Variants in GCC2 observed in about 807,000 individuals in gnomAD.
The protein encoded by GCC2 is GRIP and coiled-coil domain containing 2, also known as GRIP and coiled-coil domain-containing protein 2.
A neutral mutation model predicts 210.6 loss-of-function variants in GCC2; 120 were observed. That is an observed-to-expected ratio of 0.57 (90% CI 0.49 to 0.66). The LOEUF (loss-of-function observed/expected upper bound fraction) is 0.66. Ranked by LOEUF, GCC2 falls within the 30% of genes least tolerant of loss-of-function variation. The pLI, the probability that GCC2 is intolerant of heterozygous loss-of-function variation, is 0.00. For missense variants in GCC2, 1,868 were observed against 1,871.9 expected, an observed-to-expected ratio of 1.00 and a Z score of 0.04; for synonymous variants, 703 against 652.7, an observed-to-expected ratio of 1.08 and a Z score of -1.17.
intron 22 of GCC2, among the ~76,000 whole-genome samples, chr2:108,505,345 C>T (rs1360957152): frequency 2.0e-5 from 3 of 152,206 alleles, no homozygotes; most frequent in Non-Finnish European, 2.9e-5. Context: ...ATCGCTTCCT[C>T]CTACTTTCTA....
chr2:108,489,861 AC>A lies in GCC2; in HGVS notation c.4078del (p.Gln1360SerfsTer2). Reference protein sequence around the residue: ...QEREHLEMLIDQLKIKLQDSQ... With the variant: ...QEREHLEMLIXQLKIKLQDSQ... ...AGGGAACATCTGGAAATGCTGATTGACCAGCTAAAAATCAAATTACAAGATA... is the reference window on the plus strand; with the variant it reads ...AGGGAACATCTGGAAATGCTGATTGACAGCTAAAAATCAAATTACAAGATA... On this transcript the variant is annotated frameshift_variant, in exon 18 of 23. Coordinates refer to ENST00000309863, the MANE Select transcript of GCC2 (RefSeq NM_181453.4). LOFTEE classifies it high-confidence loss of function. The A allele has an allele frequency of 1.2e-6, 2 of 1,603,996 alleles. No homozygotes were observed. Among genetic ancestry groups the A allele is most frequent in the Non-Finnish European group, 1.7e-6 (2 of 1,176,622 alleles).
chr2:108,450,718 C>T (rs906492047), intron 2 of GCC2, among the ~76,000 whole-genome samples: 6 of 152,160 alleles, frequency 3.9e-5, no homozygotes, highest in African/African-American at 9.7e-5. Flanking sequence ...CCCGTCTCTA[C>T]TAAAAATACA....
Position 108,471,335 on chromosome 2 carries a change from T to G in GCC2, c.2006T>G (p.Leu669Arg), listed in dbSNP as rs1681205950. ...KDQNDQKLEK[L>R]MVQMKVLSED... ...CAAAATGACCAAAAACTAGAAAAAC[T>G]TATGGTTCAAATGAAAGTTCTCTCT... The change falls in exon 6 of 23, where the codon CTT (leucine) becomes CGT (arginine). Residue 669 changes from leucine to arginine, a missense_variant. By Grantham distance (102) the Leu-to-Arg change is moderately radical. Coordinates refer to ENST00000309863, the MANE Select transcript of GCC2 (RefSeq NM_181453.4). The G allele has an allele frequency of 5.6e-6, 9 of 1,611,978 alleles. No homozygotes were observed. In the East Asian group the frequency reaches 2.0e-4, roughly 36 times the overall value.
chr2:108,507,441 A>G, intron 22 of GCC2, 119 bp from the exon 23 acceptor site: 1 of 600,274 alleles, frequency 1.7e-6, no homozygotes, highest in South Asian at 2.0e-5. Flanking sequence ...TAATCAGTAA[A>G]AAACACATTA....
chr2:108,450,805 T>C (rs2683799), intron 2 of GCC2, among the ~76,000 whole-genome samples: 118,672 of 152,086 alleles, frequency 0.78, 47,341 homozygotes, highest in East Asian at 1. Context: ...TTGCTTGAAC[T>C]TGGGAGGCAG....
rs180856920 is a variant in GCC2, at chr2:108,493,306, T to C, written c.4447+516T>C. The C allele has an allele frequency of 8.8e-4, 533 of 605,794 alleles. 5 individuals carry two copies. The African/African-American group carries it at 9.9e-3, about 11-fold the overall frequency. 37.5% of individuals were successfully genotyped at this position (605,794 alleles called of 1,614,324 possible). A position where few individuals can be genotyped will look rare whatever the true frequency, so the allele number is the denominator to read the frequency against. Reference sequence around the variant, plus strand: ...AGTTTCACCGTGTTAGCCAGGATAGTCTCGATCTCCTGACCTCGTGATCCA... The same window carrying C: ...AGTTTCACCGTGTTAGCCAGGATAGCCTCGATCTCCTGACCTCGTGATCCA... On this transcript the variant is annotated intron_variant, in intron 19 of 22. Transcript: ENST00000309863.
In GCC2 at chr2:108,495,305, C is replaced by T; in HGVS notation, c.4462C>T (p.Gln1488Ter). 1 of 1,577,220 alleles carries T rather than the reference C, an allele frequency of 6.3e-7. No individual in the cohort carries two copies. The highest frequency in any genetic ancestry group is 1.3e-5 in the African/African-American group (1 of 74,090). ...AAATCTAATAGGCCCAGTTTCCTCTCAACAATCTTTGAAGAACCTTCGAGA... is the reference window on the plus strand; with the variant it reads ...AAATCTAATAGGCCCAGTTTCCTCTTAACAATCTTTGAAGAACCTTCGAGA... ...EPTTRSPVSS[Q>*]QSLKNLRERR... Residue 1488 changes from glutamine (Q) to a stop codon, truncating the protein, a stop_gained, in exon 20 of 23, where the codon CAA becomes TAA. Coordinates refer to ENST00000309863, the MANE Select transcript of GCC2 (RefSeq NM_181453.4). LOFTEE classifies it high-confidence loss of function.
rs145247044 is a variant in GCC2 at position 108,470,728 on chromosome 2, G to C, written c.1399G>C (p.Glu467Gln). ...AATACAGGGTCTTAAGGAACAGTGT[G>C]AAAACCTACAGCAAGAAAAGCAAGA... ...FEIQGLKEQC[E>Q]NLQQEKQEAI... The change falls in exon 6 of 23, where the codon GAA (glutamate) becomes CAA (glutamine). Residue 467 changes from glutamate to glutamine, a missense_variant. This residue lies in a region of GCC2 where 1,847 missense variants were observed against 1,765.2 expected (regional missense o/e 1.05). Transcript: ENST00000309863. The C allele has an allele frequency of 5.6e-5, 91 of 1,612,868 alleles. No individual in the cohort carries two copies. The highest frequency in any genetic ancestry group is 7.2e-5 in the Non-Finnish European group (85 of 1,179,676).
intron 18 of GCC2, among the ~76,000 whole-genome samples, chr2:108,491,125 A>G (rs1682383946): frequency 6.6e-6 from 1 of 152,220 alleles, no homozygotes; most frequent in African/African-American, 2.4e-5. Context: ...ATGGTTCCAG[A>G]GGAATGTGAT....
intron 4 of GCC2, among the ~76,000 whole-genome samples, chr2:108,458,213 T>C (rs187901057): frequency 6.6e-6 from 1 of 151,358 alleles, no homozygotes; most frequent in East Asian, 1.9e-4. Flanking sequence ...TGATGTGATA[T>C]GTCACATTGA....
intron 22 of GCC2, among the ~76,000 whole-genome samples, chr2:108,503,068 T>C (rs924802917): frequency 6.6e-6 from 1 of 151,638 alleles, no homozygotes; most frequent in Non-Finnish European, 1.5e-5. Context: ...GAGAAAAGAA[T>C]ACAGCACAGA....
At chr2:108,482,228 C>A in intron 10 of GCC2, 59 bp from the exon 11 acceptor site, 1 of 976,704 alleles carries the variant, frequency 1.0e-6, no homozygotes, top group Non-Finnish European at 1.6e-6. Flanking sequence ...CCTGTTCATT[C>A]TTCCTCTGCT....
rs1024464817 is a variant in GCC2, at chr2:108,471,245, G to T, written c.1916G>T (p.Ser639Ile). 12 of 1,609,026 alleles carry T rather than the reference G, an allele frequency of 7.5e-6. No individual in the cohort carries two copies. Among genetic ancestry groups the T allele is most frequent in the Non-Finnish European group, 9.3e-6 (11 of 1,178,558 alleles). The change falls in exon 6 of 23, where the codon AGT (serine) becomes ATT (isoleucine). Residue 639 changes from serine to isoleucine, a missense_variant. By Grantham distance (142) the Ser-to-Ile change is moderately radical (BLOSUM62 -2). Around this residue, in one of 3 missense-constraint regions of GCC2, gnomAD observed 1,847 missense variants for 1,765.2 expected, o/e 1.05. Coordinates refer to ENST00000309863, the MANE Select transcript of GCC2 (RefSeq NM_181453.4). ...KKVEQTIQYNSELEQKVNELT... is the reference protein window; with the variant it reads ...KKVEQTIQYNIELEQKVNELT... ...GTAGAGCAAACAATCCAGTACAACAGTGAACTAGAACAAAAGGTAAATGAA... is the reference window on the plus strand; with the variant it reads ...GTAGAGCAAACAATCCAGTACAACATTGAACTAGAACAAAAGGTAAATGAA...
At chr2:108,461,787 A>C (rs1266950656) in intron 4 of GCC2, among the ~76,000 whole-genome samples, 2 of 147,126 alleles carry the variant, frequency 1.4e-5, no homozygotes, top group Non-Finnish European at 3.0e-5. Context: ...TGCAAGCATG[A>C]GCCACTGTGC....
In GCC2 at chr2:108,492,944, A is replaced by G. The variant is rs1037909027; in HGVS notation, c.4447+154A>G. 2.0e-5 allele frequency among the ~76,000 whole-genome samples: 3 copies of G among 152,362 alleles called. No individual in the cohort carries two copies. The South Asian group carries it at 6.2e-4, about 32-fold the overall frequency. Reference sequence around the variant, plus strand: ...AATTTTGGATTTGCTTACTAGAAAGATAATTGAACCATCTGAATCCTTCCC... The same window carrying G: ...AATTTTGGATTTGCTTACTAGAAAGGTAATTGAACCATCTGAATCCTTCCC... On this transcript the variant is annotated intron_variant, in intron 19 of 22. Transcript: ENST00000309863.
In GCC2 at chr2:108,451,075, G is replaced by C; in HGVS notation, c.111G>C (p.Gln37His). The change falls in exon 3 of 23, where the codon CAG (glutamine) becomes CAC (histidine). Residue 37 changes from glutamine to histidine, a missense_variant. Gln to His is a conservative substitution (Grantham distance 24). Coordinates refer to ENST00000309863, the MANE Select transcript of GCC2 (RefSeq NM_181453.4). ...KEDLIKFAKK[Q>H]MMLIQKAKSR... is the part of the protein sequence containing the mutation. ...ACCTCATCAAGTTTGCCAAGAAACA[G>C]ATGATGCTAATACAGAAAGCTAAAT... The C allele has an allele frequency of 6.2e-7, 1 of 1,612,626 alleles. No homozygotes were observed. Among genetic ancestry groups the C allele is most frequent in the Non-Finnish European group, 8.5e-7 (1 of 1,178,646 alleles).
chr2:108,502,805 C>G (rs1275144851), intron 22 of GCC2, among the ~76,000 whole-genome samples: 2 of 151,834 alleles, frequency 1.3e-5, no homozygotes, highest in Non-Finnish European at 2.9e-5. Flanking sequence ...TGCCTGTAAT[C>G]CCAGCTACTT....
chr2:108,506,979 A>G (rs1051488438), intron 22 of GCC2, among the ~76,000 whole-genome samples: 57 of 152,330 alleles, frequency 3.7e-4, no homozygotes, highest in African/African-American at 1.3e-3. Context: ...GTTAAGTTCT[A>G]GATTGCTTCA....
chr2:108,471,489 T>C lies in GCC2; in HGVS notation c.2160T>C (p.Leu720=). The change falls in exon 6 of 23, where the codon CTT becomes CTC. Residue 720 remains leucine (L), a synonymous_variant. Transcript: ENST00000309863. The part of the protein sequence containing the change: ...VFLSQKEDVI[L]KEHITQLEKK... ...TGTCTCAAAAAGAAGATGTTATCCTTAAAGAACATATTACTCAATTAGAAA... is the reference window on the plus strand; with the variant it reads ...TGTCTCAAAAAGAAGATGTTATCCTCAAAGAACATATTACTCAATTAGAAA... 6.2e-7 allele frequency: 1 copy of C among 1,609,626 alleles called. No individual in the cohort carries two copies. The highest frequency in any genetic ancestry group is 8.5e-7 in the Non-Finnish European group (1 of 1,178,498).
Sources: gnomAD v4.1 joint callset for allele counts (sites outside exome capture counted in the v4.1 genomes callset) on GRCh38, gnomAD v4.1.1 for gene constraint, gnomAD v4.1.1 regional missense constraint, MANE v1.5 for transcripts, NCBI Gene and HGNC (gene_info 2026-07-23, HGNC 2026-07-21) for gene names.